The following ADPRHL1 variants were observed in gnomAD, a reference collection of about 807,000 sequenced individuals.
ADPRHL1 encodes ADP-ribosylhydrolase like 1, also known as inactive ADP-ribosyltransferase ARH2.
A neutral mutation model predicts 44.1 loss-of-function variants in ADPRHL1; 43 were observed. The observed-to-expected ratio is 0.98, with a 90% CI of 0.76 to 1.26. ADPRHL1 has a LOEUF of 1.26. Among genes scored for constraint, ADPRHL1 ranks in the 50% most tolerant of loss-of-function variants. ADPRHL1 has a pLI of 0.00. For missense variants in ADPRHL1, 2,022 were observed against 2,496.9 expected (o/e 0.81, Z 4.05); for synonymous variants, 878 against 1,017.4 (o/e 0.86, Z 2.61).
At position 113,435,912 on chromosome 13, in the gene ADPRHL1, G is replaced by A. The variant is rs71449005; in HGVS notation, c.380-2045C>T. Among the ~76,000 whole-genome samples the A allele has an allele frequency of 3.5e-3, 227 of 64,104 alleles. 1 individual carries two copies. The highest frequency in any genetic ancestry group is 0.031 in the Middle Eastern group (2 of 64). The allele number at this position is 64,104 out of a possible 152,430, so 42.1% of individuals were successfully genotyped here. A position where few individuals can be genotyped will look rare whatever the true frequency, so the allele number is the denominator to read the frequency against. Reference sequence around the variant, plus strand: ...CCCGGGACCCAGCACCCAGGTGTAGGGTGAACATAGGTGTACCCCGGGACC... The same window carrying A: ...CCCGGGACCCAGCACCCAGGTGTAGAGTGAACATAGGTGTACCCCGGGACC... On this transcript the variant is annotated intron_variant, in intron 2 of 7. Transcript: ENST00000612156.
Position 113,450,840 on chromosome 13 carries a change from T to C in ADPRHL1, c.214+2384A>G, listed in dbSNP as rs2044172970. Among the ~76,000 whole-genome samples the C allele has an allele frequency of 2.0e-5, 3 of 152,030 alleles. No homozygotes were observed. In the South Asian group the frequency reaches 6.2e-4, roughly 32 times the overall value. ...GGAGTGTGACCACTGAAGCACAGCATCACAGGGAGACGGTTAGGCCTCCGG... is the reference window on the plus strand; with the variant it reads ...GGAGTGTGACCACTGAAGCACAGCACCACAGGGAGACGGTTAGGCCTCCGG... On this transcript the variant is annotated intron_variant, in intron 1 of 7. Coordinates refer to ENST00000612156, the MANE Select transcript of ADPRHL1 (RefSeq NM_001394807.1).
At chr13:113,430,821 C>G (rs1291781449) in intron 3 of ADPRHL1, among the ~76,000 whole-genome samples, 1 of 151,930 alleles carries the variant, frequency 6.6e-6, no homozygotes, top group Non-Finnish European at 1.5e-5. Flanking sequence ...TGTGGTGCTG[C>G]CGATGGGAGC....
chr13:113,450,477 G>A (rs1413991438), intron 1 of ADPRHL1, among the ~76,000 whole-genome samples: 4 of 152,128 alleles, frequency 2.6e-5, no homozygotes, highest in African/African-American at 9.7e-5. Context: ...CTGGGCCCGG[G>A]GGACCACTAC....
intron 3 of ADPRHL1, among the ~76,000 whole-genome samples, chr13:113,433,038 G>GCAGCTGGC (rs1184172415): frequency 6.6e-6 from 1 of 152,224 alleles, no homozygotes; most frequent in Non-Finnish European, 1.5e-5. Context: ...ATCCCAGTGA[G>GCAGCTGGC]CAGCTGGCCA....
chr13:113,435,908 G>A, intron 2 of ADPRHL1, among the ~76,000 whole-genome samples: 1 of 145,964 alleles, frequency 6.9e-6, no homozygotes, highest in Non-Finnish European at 1.5e-5. Context: ...GCACCCAGGT[G>A]TAGGGTGAAC....
chr13:113,408,868 GGA>G (rs2043829072), intron 7 of ADPRHL1, among the ~76,000 whole-genome samples: 1 of 151,500 alleles, frequency 6.6e-6, no homozygotes, highest in Non-Finnish European at 1.5e-5. Flanking sequence ...AGAGAGGAAG[GGA>G]GGAGGGGGCT....
intron 3 of ADPRHL1, among the ~76,000 whole-genome samples, chr13:113,430,529 T>C (rs2043999267): frequency 6.6e-6 from 1 of 152,096 alleles, no homozygotes; most frequent in Non-Finnish European, 1.5e-5. Context: ...ATGGTGGTGG[T>C]ACTCGTGACG....
chr13:113,414,622 G>A (rs1389852716), intron 7 of ADPRHL1, among the ~76,000 whole-genome samples: 1 of 152,036 alleles, frequency 6.6e-6, no homozygotes, highest in Non-Finnish European at 1.5e-5. Context: ...CCAGGGGCAG[G>A]GCCACGTGCC....
At chr13:113,448,856 GGAAGGCCCT>G (rs2044160076) in intron 1 of ADPRHL1, 1 of 751,786 alleles carries the variant, frequency 1.3e-6, no homozygotes, top group South Asian at 6.0e-5. Flanking sequence ...TTGTGAGGGA[GGAAGGCCCT>G]GGGAGGGAAG....
intron 1 of ADPRHL1, among the ~76,000 whole-genome samples, chr13:113,451,724 C>A (rs2044180306): frequency 6.6e-6 from 1 of 152,178 alleles, no homozygotes; most frequent in African/African-American, 2.4e-5. Flanking sequence ...AGGAGAATCA[C>A]TTGAACCTGG....
At chr13:113,443,292 G>A (rs1302683902) in intron 2 of ADPRHL1, among the ~76,000 whole-genome samples, 2 of 152,106 alleles carry the variant, frequency 1.3e-5, no homozygotes, top group Non-Finnish European at 2.9e-5. Context: ...AAAATAGTTT[G>A]ATCTTTCTGG....
chr13:113,424,493 C>T (rs1167271024), intron 5 of ADPRHL1, 144 bp from the exon 6 acceptor site: 12 of 1,175,262 alleles, frequency 1.0e-5, no homozygotes, highest in Non-Finnish European at 1.4e-5. Flanking sequence ...CTGGCTCTGT[C>T]CCCCAGGTTG....
intron 4 of ADPRHL1, among the ~76,000 whole-genome samples, chr13:113,425,412 T>TTCTC (rs1393238952): frequency 6.6e-6 from 1 of 152,230 alleles, no homozygotes; most frequent in African/African-American, 2.4e-5. Flanking sequence ...CTTTCTTTCT[T>TTCTC]TTTTTCCTGA....
In ADPRHL1 at chr13:113,444,437, A is replaced by G. The variant is rs759648461; in HGVS notation, c.367T>C (p.Phe123Leu). The stretch of plus-strand genomic sequence containing the variant: ...GGATTTCCCTGACCTTTTTCATTGA[A>G]CGGTGTGTGCCAGGCGAGAAGGTAG... The part of the protein sequence containing the change: ...NNYLLAWHTP[F>L]NEKGSGFGAA... The change falls in exon 2 of 8, where the codon TTC becomes CTC. Residue 123 changes from phenylalanine to leucine, a missense_variant. Phe to Leu is a conservative substitution (Grantham distance 22, BLOSUM62 0). This residue lies in a region of ADPRHL1 where 437 missense variants were observed against 430.7 expected (regional missense o/e 1.01). Transcript: ENST00000612156. 1.6e-5 allele frequency: 26 copies of G among 1,613,788 alleles called. No homozygotes were observed. Among genetic ancestry groups the G allele is most frequent in the Non-Finnish European group, 2.2e-5 (26 of 1,179,838 alleles).
chr13:113,400,319 T>C lies in ADPRHL1; in HGVS notation c.*3059A>G, dbSNP rs2043750086. On this transcript the variant is annotated 3_prime_UTR_variant, in exon 8 of 8. Transcript: ENST00000612156. ...CACCACCACGCCCGGCTAATTTTTG[T>C]ATTTTTAGTAGAGACAGGGTTTCAC... 6.6e-6 allele frequency: 1 copy of C among 151,650 alleles called. No homozygotes were observed. The highest frequency in any genetic ancestry group is 2.4e-5 in the African/African-American group (1 of 41,300). 9.4% of individuals were successfully genotyped at this position (151,650 alleles called of 1,614,324 possible).
In ADPRHL1 at chr13:113,409,749, C is replaced by T. The variant is rs921554305; in HGVS notation, c.1062-1529G>A. Reference sequence around the variant, plus strand: ...AAGATATAAAAAAAAATCAGCCGGGCGTGGTGGCGGGCGCCTGTAGTCCCA... The same window carrying T: ...AAGATATAAAAAAAAATCAGCCGGGTGTGGTGGCGGGCGCCTGTAGTCCCA... On this transcript the variant is annotated intron_variant, in intron 7 of 7. Transcript: ENST00000612156. The surrounding 1 kb of genome is among the most constrained non-coding windows in gnomAD (Gnocchi z 4.2). 22 of 659,776 alleles carry T rather than the reference C, an allele frequency of 3.3e-5. No homozygotes were observed. Among genetic ancestry groups the T allele is most frequent in the African/African-American group, 2.6e-4 (13 of 50,822 alleles). 40.9% of individuals were successfully genotyped at this position (659,776 alleles called of 1,614,324 possible). A position where few individuals can be genotyped will look rare whatever the true frequency, so the allele number is the denominator to read the frequency against.
intron 2 of ADPRHL1, among the ~76,000 whole-genome samples, chr13:113,442,060 T>G (rs2044103280): frequency 6.6e-6 from 1 of 152,274 alleles, no homozygotes. Context: ...CCATTAGCAT[T>G]TCTTGTTACA....
At chr13:113,428,106 T>C (rs2043979906) in intron 4 of ADPRHL1, among the ~76,000 whole-genome samples, 1 of 152,040 alleles carries the variant, frequency 6.6e-6, no homozygotes, top group Non-Finnish European at 1.5e-5. Flanking sequence ...TAGCTAGGCG[T>C]GGTGACGGAC....
At chr13:113,418,342 C>T (rs1259588148) in intron 7 of ADPRHL1, among the ~76,000 whole-genome samples, 1 of 152,236 alleles carries the variant, frequency 6.6e-6, no homozygotes, top group Non-Finnish European at 1.5e-5. Context: ...CTGACGGGGG[C>T]TGGGCTTCGC....
Sources: allele counts gnomAD v4.1 joint callset (sites outside exome capture counted in the v4.1 genomes callset), GRCh38; gene constraint gnomAD v4.1.1; regional missense constraint gnomAD v4.1.1; non-coding constraint Gnocchi (gnomAD v3.1); transcripts MANE v1.5; gene names NCBI Gene and HGNC (gene_info 2026-07-23, HGNC 2026-07-21).